The following WDR76 variants were observed in gnomAD, a reference collection of about 807,000 sequenced individuals.
WDR76 encodes WD repeat-containing protein 76.
In WDR76, 52 loss-of-function variants were observed where a neutral mutation model predicts 70.2. That is an observed-to-expected ratio of 0.74 (90% CI 0.59 to 0.93). The LOEUF is 0.93. Ranked by LOEUF, WDR76 falls within the 40% of genes least tolerant of loss-of-function variation. The pLI is 0.00. For synonymous variants in WDR76, 292 were observed against 271.1 expected (o/e 1.08, Z -0.76); for missense variants, 756 against 760.2 (o/e 0.99, Z 0.07).
At position 43,828,314 on chromosome 15, in the gene WDR76, A is replaced by T. The variant is rs1567180471; in HGVS notation, c.410A>T (p.Asp137Val). The change falls in exon 2 of 13, where the codon GAT becomes GTT. Residue 137 changes from aspartate (D) to valine (V), a missense_variant. Asp to Val is a radical substitution (Grantham distance 152). Transcript: ENST00000263795. ...RTADAMNLSV[D>V]VESSQDGDSD... ...GCAGATGCGATGAATCTCAGTGTTG[A>T]TGTGGAAAGTAGTCAGGATGGAGAC... 6.2e-7 allele frequency: 1 copy of T among 1,614,068 alleles called. No homozygotes were observed. Among genetic ancestry groups the T allele is most frequent in the Admixed American group, 1.7e-5 (1 of 60,008 alleles).
chr15:43,860,794 A>C (rs1048496465), intron 11 of WDR76, among the ~76,000 whole-genome samples: 1 of 151,972 alleles, frequency 6.6e-6, no homozygotes, highest in African/African-American at 2.4e-5. Flanking sequence ...GGCATGAGCC[A>C]CAACACTCAG....
At position 43,860,668 on chromosome 15, in the gene WDR76, A is replaced by AT. The variant is rs200303928; in HGVS notation, c.1563-656dup. On this transcript the variant is annotated intron_variant, in intron 11 of 12. Transcript: ENST00000263795. Reference sequence around the variant, plus strand: ...GAGGCATGTGCCACCATACCTAGCTATTTTTTTTTAAATTTTTTTTTGTAG... The same window carrying AT: ...GAGGCATGTGCCACCATACCTAGCTATTTTTTTTTTAAATTTTTTTTTGTAG... Among the ~76,000 whole-genome samples, 784 of 150,214 alleles carry AT rather than the reference A, an allele frequency of 5.2e-3. 6 individuals are homozygous for AT. Among genetic ancestry groups the AT allele is most frequent in the African/African-American group, 0.018 (741 of 40,852 alleles).
chr15:43,847,580 C>T (rs531147681), intron 8 of WDR76, among the ~76,000 whole-genome samples: 116 of 152,188 alleles, frequency 7.6e-4, no homozygotes, highest in African/African-American at 2.7e-3. Flanking sequence ...GCTACCACAC[C>T]TGGCTAATTT....
rs749893011 is a variant in WDR76 at position 43,835,060 on chromosome 15, G to C, written c.463-1G>C. 6.2e-7 allele frequency: 1 copy of C among 1,613,618 alleles called. No individual in the cohort carries two copies. Among genetic ancestry groups the C allele is most frequent in the African/African-American group, 1.3e-5 (1 of 75,024 alleles). On this transcript the variant is annotated splice_acceptor_variant, in intron 2 of 12. Coordinates refer to ENST00000263795, the MANE Select transcript of WDR76 (RefSeq NM_024908.4). LOFTEE classifies it high-confidence loss of function. ...GGAATCTTTTTGGTGTAATTTTATA[G>C]GATTTTTCGGGATTGTCACCCTACG...
At chr15:43,848,161 T>A (rs559779344) in intron 8 of WDR76, among the ~76,000 whole-genome samples, 1 of 152,058 alleles carries the variant, frequency 6.6e-6, no homozygotes, top group African/African-American at 2.4e-5. Context: ...TCACCTGAGC[T>A]CAAGGCGGTT....
intron 5 of WDR76, among the ~76,000 whole-genome samples, chr15:43,840,332 T>C (rs1187914818): frequency 1.3e-5 from 2 of 152,050 alleles, no homozygotes; most frequent in African/African-American, 4.8e-5. Context: ...TGTACAATTT[T>C]ATGTCAGTTT....
chr15:43,862,437 C>A (rs1291912544), intron 12 of WDR76, among the ~76,000 whole-genome samples: 1 of 150,930 alleles, frequency 6.6e-6, no homozygotes, highest in Non-Finnish European at 1.5e-5. Flanking sequence ...CCTGCCTCAG[C>A]CTCCCAAGAA....
intron 8 of WDR76, among the ~76,000 whole-genome samples, chr15:43,848,730 C>T (rs553722129): frequency 4.6e-5 from 7 of 152,062 alleles, no homozygotes; most frequent in East Asian, 1.9e-4. Context: ...CACCTGAGGT[C>T]GAGTTCAAGA....
intron 2 of WDR76, among the ~76,000 whole-genome samples, chr15:43,834,322 C>T (rs981472940): frequency 2.2e-4 from 29 of 134,190 alleles, no homozygotes; most frequent in Admixed American, 5.6e-4. Context: ...TTTTTTGAGA[C>T]GGAGTTTCGC....
intron 5 of WDR76, 30 bp from the exon 6 acceptor site, chr15:43,842,385 C>A: frequency 6.2e-7 from 1 of 1,602,552 alleles, no homozygotes; most frequent in Non-Finnish European, 8.5e-7. Context: ...GCAGGGAGCC[C>A]AACAAATAAC....
At chr15:43,849,791 C>T (rs1428689718) in intron 8 of WDR76, among the ~76,000 whole-genome samples, 1 of 152,190 alleles carries the variant, frequency 6.6e-6, no homozygotes, top group Non-Finnish European at 1.5e-5. Flanking sequence ...CCACCTCAGC[C>T]TCCCAAAGTG....
In WDR76 at chr15:43,848,698, T is replaced by C. The variant is rs573481380; in HGVS notation, c.1033-2389T>C. Reference sequence around the variant, plus strand: ...GCTCATGCCTGTAATCCCAACACTTTGGGAGGCTGAGGCAGGTGAATCACC... The same window carrying C: ...GCTCATGCCTGTAATCCCAACACTTCGGGAGGCTGAGGCAGGTGAATCACC... On this transcript the variant is annotated intron_variant, in intron 8 of 12. Coordinates refer to ENST00000263795, the MANE Select transcript of WDR76 (RefSeq NM_024908.4). Among the ~76,000 whole-genome samples the C allele has an allele frequency of 1.8e-3, 278 of 152,208 alleles. 1 individual carries two copies. In the Middle Eastern group the frequency reaches 0.02, roughly 11 times the overall value.
chr15:43,836,969 G>C (rs2087663804), intron 4 of WDR76, among the ~76,000 whole-genome samples: 1 of 151,512 alleles, frequency 6.6e-6, no homozygotes, highest in Admixed American at 6.6e-5. Context: ...GAACCCGGGA[G>C]GCAGAGGTCA....
intron 9 of WDR76, among the ~76,000 whole-genome samples, chr15:43,853,896 A>ACG (rs1555462990): frequency 6.9e-6 from 1 of 145,276 alleles, no homozygotes; most frequent in African/African-American, 2.6e-5. Context: ...ACAGAGCGAG[A>ACG]CTGTCTCAAA....
At chr15:43,827,883 A>C (rs1397274160) in intron 1 of WDR76, 82 bp from the exon 2 acceptor site, 2 of 1,358,398 alleles carry the variant, frequency 1.5e-6, no homozygotes, top group East Asian at 4.9e-5. Context: ...AATGGGAATT[A>C]TTAGATCTGT....
At position 43,851,153 on chromosome 15, in the gene WDR76, T is replaced by G; in HGVS notation, c.1099T>G (p.Tyr367Asp). Reference sequence around the variant, plus strand: ...CCATAGTCAGCCAGTTAGCTGTCTTTACTTCTCACCCGCCAATCCGGCCCA... The same window carrying G: ...CCATAGTCAGCCAGTTAGCTGTCTTGACTTCTCACCCGCCAATCCGGCCCA... Reference protein sequence around the residue: ...HPHSQPVSCLYFSPANPAHIL... With the variant: ...HPHSQPVSCLDFSPANPAHIL... Residue 367 changes from tyrosine (Y) to aspartate (D), a missense_variant, in exon 9 of 13, where the codon TAC becomes GAC. Physicochemically the swap from Tyr to Asp is radical, Grantham distance 160 (BLOSUM62 -3). Coordinates refer to ENST00000263795, the MANE Select transcript of WDR76 (RefSeq NM_024908.4). 1.2e-6 allele frequency: 2 copies of G among 1,614,212 alleles called. No individual in the cohort carries two copies. Among genetic ancestry groups the G allele is most frequent in the Non-Finnish European group, 1.7e-6 (2 of 1,180,030 alleles).
chr15:43,836,504 CTA>C (rs1368740744), intron 4 of WDR76, among the ~76,000 whole-genome samples: 2 of 152,152 alleles, frequency 1.3e-5, no homozygotes, highest in African/African-American at 4.8e-5. Flanking sequence ...ACTTAGAAAA[CTA>C]TTAAAGATTC....
chr15:43,834,917 C>CT (rs2087636073), intron 2 of WDR76, 144 bp from the exon 3 acceptor site: 1 of 705,706 alleles, frequency 1.4e-6, no homozygotes, highest in East Asian at 2.8e-5. Context: ...CAGCAAACGT[C>CT]TGTTTTGGTA....
intron 12 of WDR76, chr15:43,863,897 G>A (rs1398806479): frequency 6.6e-6 from 1 of 152,164 alleles, no homozygotes; most frequent in Non-Finnish European, 1.5e-5. Context: ...TTATTTTTTA[G>A]ACTAGTCAAG....
Sources: allele counts gnomAD v4.1 joint callset (sites outside exome capture counted in the v4.1 genomes callset), GRCh38; gene constraint gnomAD v4.1.1; transcripts MANE v1.5; gene names NCBI Gene and HGNC (gene_info 2026-07-23, HGNC 2026-07-21).